The following FAF1 variants were observed in gnomAD, a reference collection of about 807,000 sequenced individuals.
The protein encoded by FAF1 is Fas associated factor 1.
FAF1 carries 25 observed loss-of-function variants against 92.5 expected under a neutral mutation model. The observed-to-expected ratio is 0.27, with a 90% CI of 0.20 to 0.38. The LOEUF is 0.38. FAF1 is among the 10% of genes least tolerant of loss of function. The probability of loss-of-function intolerance (pLI) is 1.00; values close to 1 mark genes in which losing one functional copy is unlikely to be tolerated. For missense variants in FAF1, 636 were observed against 793.3 expected (o/e 0.80, Z 2.38); for synonymous variants, 234 against 273.2 (o/e 0.86, Z 1.42).
At chr1:50,910,663 G>C (rs111461848) in intron 1 of FAF1, among the ~76,000 whole-genome samples, 15 of 151,760 alleles carry the variant, frequency 9.9e-5, no homozygotes, top group Admixed American at 9.2e-4. Context: ...GCAAGGCTCC[G>C]TGGCCGTGGG....
chr1:50,842,981 C>A (rs1271032877), intron 2 of FAF1, among the ~76,000 whole-genome samples: 1 of 152,062 alleles, frequency 6.6e-6, no homozygotes, highest in Non-Finnish European at 1.5e-5. Flanking sequence ...TGCTAGCACA[C>A]AGTAAGGGAC....
chr1:50,530,879 G>A (rs1648130459), intron 15 of FAF1, among the ~76,000 whole-genome samples: 1 of 152,148 alleles, frequency 6.6e-6, no homozygotes. Context: ...TCTGCAAACA[G>A]AAGGGGTATG....
chr1:50,800,016 T>A (rs984214817), intron 3 of FAF1, among the ~76,000 whole-genome samples: 1 of 152,140 alleles, frequency 6.6e-6, no homozygotes, highest in Non-Finnish European at 1.5e-5. Flanking sequence ...ATACAACTGA[T>A]TTTCTCATGT....
intron 1 of FAF1, among the ~76,000 whole-genome samples, chr1:50,934,443 C>T (rs2124747683): frequency 6.6e-6 from 1 of 152,258 alleles, no homozygotes; most frequent in South Asian, 2.1e-4. Context: ...ACTGTCTTGG[C>T]CAGGTATGGT....
chr1:50,648,985 C>T (rs546110005), intron 8 of FAF1, among the ~76,000 whole-genome samples: 11 of 152,070 alleles, frequency 7.2e-5, no homozygotes, highest in African/African-American at 2.2e-4. Flanking sequence ...GGTTTCAATA[C>T]GTTGGCCAGG....
chr1:50,489,624 T>G (rs1046336160), intron 17 of FAF1, among the ~76,000 whole-genome samples: 3 of 152,164 alleles, frequency 2.0e-5, no homozygotes, highest in African/African-American at 7.2e-5. Context: ...CTAACAGATT[T>G]GGAGCACATA....
At chr1:50,725,870 A>G (rs1024657331) in intron 6 of FAF1, among the ~76,000 whole-genome samples, 5 of 152,214 alleles carry the variant, frequency 3.3e-5, no homozygotes, top group Admixed American at 3.3e-4. Flanking sequence ...CCATAGTTAA[A>G]TGCAACTTCA....
chr1:50,954,956 C>T (rs1277717865), intron 1 of FAF1, among the ~76,000 whole-genome samples: 1 of 152,200 alleles, frequency 6.6e-6, no homozygotes, highest in African/African-American at 2.4e-5. Flanking sequence ...GGGCAGTGAT[C>T]ACTCCATTGC....
intron 18 of FAF1, among the ~76,000 whole-genome samples, chr1:50,456,690 T>C (rs950688973): frequency 5.3e-5 from 8 of 152,206 alleles, no homozygotes; most frequent in Non-Finnish European, 1.2e-4. Flanking sequence ...GGTCCTGGAT[T>C]ATAATAGTAA....
At chr1:50,785,673 G>A (rs560302000) in intron 4 of FAF1, among the ~76,000 whole-genome samples, 3 of 151,926 alleles carry the variant, frequency 2.0e-5, no homozygotes, top group African/African-American at 7.2e-5. Flanking sequence ...AAAATAATAA[G>A]TGTTAACAAA....
In FAF1 at chr1:50,869,140, T is replaced by C. The variant is rs141734153; in HGVS notation, c.46-11143A>G. Among the ~76,000 whole-genome samples the C allele has an allele frequency of 3.3e-4, 50 of 152,302 alleles. 1 individual carries two copies. The East Asian group carries it at 6.9e-3, about 21-fold the overall frequency. ...GCGATTATGTTTCTTTTATCTTTGG[T>C]AATATGCCTTGTACTCAAGTCTACT... On this transcript the variant is annotated intron_variant, in intron 1 of 18. Transcript: ENST00000396153.
chr1:50,787,607 A>C (rs1231273192), intron 4 of FAF1, among the ~76,000 whole-genome samples: 1 of 152,156 alleles, frequency 6.6e-6, no homozygotes, highest in Non-Finnish European at 1.5e-5. Context: ...GTTCCTTATA[A>C]ATTACCCAGT....
intron 4 of FAF1, among the ~76,000 whole-genome samples, chr1:50,753,757 C>CTTTT (rs58567132): frequency 2.5e-4 from 32 of 130,582 alleles, no homozygotes; most frequent in African/African-American, 8.1e-4. Flanking sequence ...ATTATCTGTT[C>CTTTT]TTTTTTTTTT....
chr1:50,548,519 C>T (rs1224261548), intron 13 of FAF1, among the ~76,000 whole-genome samples: 1 of 152,208 alleles, frequency 6.6e-6, no homozygotes, highest in East Asian at 1.9e-4. Flanking sequence ...TCCTTTTTCT[C>T]TTCCAACTAC....
intron 1 of FAF1, among the ~76,000 whole-genome samples, chr1:50,927,347 G>A (rs879496765): frequency 5.9e-5 from 9 of 152,000 alleles, no homozygotes; most frequent in Non-Finnish European, 1.2e-4. Flanking sequence ...TTGGGAGGCC[G>A]AGGCGGGTGG....
chr1:50,637,710 T>C lies in FAF1; in HGVS notation c.744+17732A>G, dbSNP rs541040989. 4.6e-4 allele frequency among the ~76,000 whole-genome samples: 70 copies of C among 151,068 alleles called. 1 individual carries two copies. The East Asian group carries it at 0.01, about 22-fold the overall frequency. ...GTGTGTGTGTGTGTGTGTGTGTGTGTGTGCGTGTGCATATGTGTGTATACA... is the reference window on the plus strand; with the variant it reads ...GTGTGTGTGTGTGTGTGTGTGTGTGCGTGCGTGTGCATATGTGTGTATACA... On this transcript the variant is annotated intron_variant, in intron 8 of 18. Transcript: ENST00000396153.
At chr1:50,536,021 G>T (rs1034433867) in intron 14 of FAF1, among the ~76,000 whole-genome samples, 1 of 152,070 alleles carries the variant, frequency 6.6e-6, no homozygotes, top group East Asian at 1.9e-4. Context: ...CCTCTTTGCC[G>T]CCCACCTCAG....
intron 8 of FAF1, among the ~76,000 whole-genome samples, chr1:50,654,584 T>C (rs1416052783): frequency 2.6e-5 from 4 of 152,200 alleles, no homozygotes; most frequent in Admixed American, 6.5e-5. Flanking sequence ...ACAGACATTT[T>C]CTTCCAGCTT....
intron 7 of FAF1, among the ~76,000 whole-genome samples, chr1:50,688,752 C>T (rs758664048): frequency 2.6e-4 from 39 of 152,038 alleles, no homozygotes; most frequent in African/African-American, 7.7e-4. Flanking sequence ...GCGGAGGTTG[C>T]GGTGAGCCGA....
Sources: allele counts gnomAD v4.1 joint callset (sites outside exome capture counted in the v4.1 genomes callset), GRCh38; gene constraint gnomAD v4.1.1; transcripts MANE v1.5; gene names NCBI Gene and HGNC (gene_info 2026-07-23, HGNC 2026-07-21).